The following SMG5 variants were observed in gnomAD, a reference collection of about 807,000 sequenced individuals.
The protein encoded by SMG5 is SMG5 nonsense mediated mRNA decay factor.
SMG5 carries 53 observed loss-of-function variants against 122.9 expected under a neutral mutation model. That is an observed-to-expected ratio of 0.43 (90% CI 0.35 to 0.54). The LOEUF (loss-of-function observed/expected upper bound fraction) is 0.54. Among genes scored for constraint, SMG5 ranks in the 20% least tolerant of loss-of-function variants. The pLI is 0.01. For missense variants in SMG5, 1,153 were observed against 1,285.6 expected (o/e 0.90, Z 1.58); for synonymous variants, 477 against 490.2 (o/e 0.97, Z 0.35).
upstream of SMG5, chr1:156,286,476 A>T (rs1366991639): frequency 6.2e-7 from 1 of 1,613,952 alleles, no homozygotes; most frequent in Non-Finnish European, 8.5e-7. Context: ...GTCTCCCGGT[A>T]AGTTGGGGCA....
chr1:156,287,116 T>G (rs1174159919), upstream of SMG5, among the ~76,000 whole-genome samples: 1 of 150,828 alleles, frequency 6.6e-6, no homozygotes, highest in East Asian at 2.0e-4. Flanking sequence ...GAGCTAGACT[T>G]CATCTCAAAA....
rs1319361670 is a variant in SMG5, at chr1:156,250,333, A to C, written c.*254T>G. The C allele has an allele frequency of 2.0e-6, 1 of 492,342 alleles. No individual in the cohort carries two copies. Among genetic ancestry groups the C allele is most frequent in the Non-Finnish European group, 3.7e-6 (1 of 271,926 alleles). 30.5% of individuals were successfully genotyped at this position (492,342 alleles called of 1,614,324 possible). On this transcript the variant is annotated 3_prime_UTR_variant, in exon 22 of 22. Transcript: ENST00000361813. ...AGACAGCAGGGGAGCTGAGGCAGGA[A>C]GGCTGGCCAGGGGCCCACAAGACTC...
intron 12 of SMG5, among the ~76,000 whole-genome samples, chr1:156,265,334 CAT>C (rs1273278695): frequency 2.6e-5 from 4 of 152,064 alleles, no homozygotes; most frequent in African/African-American, 9.7e-5. Context: ...TAGAATGATG[CAT>C]AGAGTAGCCT....
At chr1:156,254,073 G>C (rs1558232495) in intron 16 of SMG5, among the ~76,000 whole-genome samples, 3 of 152,082 alleles carry the variant, frequency 2.0e-5, no homozygotes. Flanking sequence ...GGTTGGCTTT[G>C]AATCTTCCCT....
intron 15 of SMG5, among the ~76,000 whole-genome samples, chr1:156,259,891 G>C (rs1285627721): frequency 1.3e-5 from 2 of 152,068 alleles, no homozygotes; most frequent in East Asian, 1.9e-4. Flanking sequence ...ATCTTATCTA[G>C]AACTCTAAAA....
chr1:156,270,345 A>G (rs546223176), intron 7 of SMG5, among the ~76,000 whole-genome samples: 2 of 152,216 alleles, frequency 1.3e-5, no homozygotes, highest in African/African-American at 4.8e-5. Context: ...GAGCCACTAC[A>G]TAAGAAGTTC....
intron 4 of SMG5, among the ~76,000 whole-genome samples, chr1:156,276,190 G>A (rs1380303681): frequency 6.8e-6 from 1 of 146,802 alleles, no homozygotes; most frequent in Non-Finnish European, 1.5e-5. Flanking sequence ...GCAGTGGCGT[G>A]ATCTTGGCTC....
chr1:156,288,494 C>T, the SMG5 span, among the ~76,000 whole-genome samples: 6 of 151,978 alleles, frequency 3.9e-5, no homozygotes, highest in Non-Finnish European at 8.8e-5. Context: ...GCCACCATGC[C>T]CAGCTAATTT....
At chr1:156,290,834 T>C in the SMG5 span, 68 of 52,220 alleles carry the variant, frequency 1.3e-3, no homozygotes, top group African/African-American at 5.2e-3. Context: ...GTCTCAAAAA[T>C]AAAAAAATAA....
rs150777096 is a variant in SMG5, at chr1:156,278,499, G to A, written c.173+437C>T. ...CACCTCAGCCTAACTACAGGTGTGC[G>A]GGATTACAGGTGTGCAGCACCATAC... On this transcript the variant is annotated intron_variant, in intron 2 of 21. Transcript: ENST00000361813. Among the ~76,000 whole-genome samples the A allele has an allele frequency of 5.8e-4, 88 of 151,630 alleles. No individual in the cohort carries two copies. The Middle Eastern group carries it at 0.024, about 41-fold the overall frequency.
upstream of SMG5, chr1:156,285,112 T>C: frequency 1.5e-6 from 2 of 1,351,626 alleles, no homozygotes; most frequent in Non-Finnish European, 2.0e-6. Context: ...CTGGAGAGTA[T>C]GAGTTCTGTC....
intron 15 of SMG5, 101 bp from the exon 16 acceptor site, chr1:156,259,264 C>T (rs1265605700): frequency 1.6e-6 from 2 of 1,269,258 alleles, no homozygotes; most frequent in Admixed American, 6.6e-5. Context: ...TCCCTGCTGG[C>T]CCAGCCACCT....
chr1:156,249,560 G>C lies in SMG5; in HGVS notation c.*1027C>G, dbSNP rs185472177. 6 of 372,562 alleles carry C rather than the reference G, an allele frequency of 1.6e-5. No homozygotes were observed. In the East Asian group the frequency reaches 4.4e-4, roughly 27 times the overall value. 23.1% of individuals were successfully genotyped at this position (372,562 alleles called of 1,614,324 possible). A position where few individuals can be genotyped will look rare whatever the true frequency, so the allele number is the denominator to read the frequency against. ...GAGCTATTCATGATCTCTGCTCCCA[G>C]ATATTCACCTCAACACTCCAAAAGC... On this transcript the variant is annotated 3_prime_UTR_variant, in exon 22 of 22. Coordinates refer to ENST00000361813, the MANE Select transcript of SMG5 (RefSeq NM_015327.3).
intron 7 of SMG5, among the ~76,000 whole-genome samples, chr1:156,269,073 C>T (rs1317328896): frequency 6.6e-6 from 1 of 151,932 alleles, no homozygotes; most frequent in African/African-American, 2.4e-5. Context: ...CGGGTTCAAG[C>T]GATTCTCGTG....
At chr1:156,290,449 G>A in the SMG5 span, 1 of 151,104 alleles carries the variant, frequency 6.6e-6, no homozygotes, top group Non-Finnish European at 1.5e-5. Context: ...AGGCACTTTG[G>A]TAGGCTGTGG....
In SMG5 at chr1:156,282,148, G is replaced by T. The variant is rs534411519; in HGVS notation, c.74+459C>A. 4.6e-5 allele frequency among the ~76,000 whole-genome samples: 7 copies of T among 152,232 alleles called. No individual in the cohort carries two copies. In the South Asian group the frequency reaches 1.5e-3, roughly 32 times the overall value. Reference sequence around the variant, plus strand: ...TCTTTTTAAGGATAAGGAAACTGAGGCCCAAGGTCACACCGTGAGAGAGTG... The same window carrying T: ...TCTTTTTAAGGATAAGGAAACTGAGTCCCAAGGTCACACCGTGAGAGAGTG... On this transcript the variant is annotated intron_variant, in intron 1 of 21. Coordinates refer to ENST00000361813, the MANE Select transcript of SMG5 (RefSeq NM_015327.3).
upstream of SMG5, chr1:156,285,533 G>C (rs1353921363): frequency 6.2e-6 from 10 of 1,614,078 alleles, no homozygotes; most frequent in Admixed American, 1.7e-4. Flanking sequence ...AGAGCCCCCT[G>C]AGTCAGAACC....
chr1:156,289,602 ACT>A, the SMG5 span, among the ~76,000 whole-genome samples: 5 of 152,136 alleles, frequency 3.3e-5, no homozygotes, highest in African/African-American at 1.2e-4. Flanking sequence ...ACAGAGCGAG[ACT>A]CTGTCTCAAA....
the SMG5 span, chr1:156,291,495 T>G: frequency 6.2e-7 from 1 of 1,613,016 alleles, no homozygotes; most frequent in African/African-American, 1.3e-5. Flanking sequence ...TACTACATGT[T>G]CGTGGTGGAG....
Sources: allele counts gnomAD v4.1 joint callset (sites outside exome capture counted in the v4.1 genomes callset), GRCh38; gene constraint gnomAD v4.1.1; transcripts MANE v1.5; gene names NCBI Gene and HGNC (gene_info 2026-07-23, HGNC 2026-07-21).